The following DLGAP2 variants were observed in gnomAD, a reference collection of about 807,000 sequenced individuals.
DLGAP2 encodes the protein disks large-associated protein 2.
A neutral mutation model predicts 100.3 loss-of-function variants in DLGAP2; 26 were observed. The observed-to-expected ratio is 0.26, with a 90% CI of 0.19 to 0.36. The LOEUF (loss-of-function observed/expected upper bound fraction) is 0.36. Ranked by LOEUF, DLGAP2 falls within the 10% of genes least tolerant of loss-of-function variation. The pLI is 1.00. For synonymous variants in DLGAP2, 886 were observed against 630.1 expected (o/e 1.41, Z -6.08); for missense variants, 1,858 against 1,453.2 (o/e 1.28, Z -4.53).
chr8:1,179,119 A>G (rs75266367), intron 2 of DLGAP2, among the ~76,000 whole-genome samples: 2 of 152,284 alleles, frequency 1.3e-5, no homozygotes, highest in East Asian at 1.9e-4. Flanking sequence ...CCTGTTTACG[A>G]TACCAAAGTG....
intron 1 of DLGAP2, among the ~76,000 whole-genome samples, chr8:834,061 C>T (rs1796828661): frequency 6.6e-6 from 1 of 152,136 alleles, no homozygotes; most frequent in South Asian, 2.1e-4. Context: ...GAGTGGGATT[C>T]ATTAGGGGAA....
chr8:930,329 C>A (rs145130426), intron 2 of DLGAP2, among the ~76,000 whole-genome samples: 2,000 of 152,302 alleles, frequency 0.013, 17 homozygotes, highest in Non-Finnish European at 0.022. Context: ...AAGACAAATG[C>A]AATGTTGTCT....
intron 2 of DLGAP2, among the ~76,000 whole-genome samples, chr8:1,110,696 T>G (rs1423727790): frequency 4.7e-5 from 7 of 150,036 alleles, no homozygotes; most frequent in Non-Finnish European, 5.9e-5. Context: ...CTTTCCATTT[T>G]CAGGGAAGAT....
At chr8:827,082 C>T (rs1284134502) in intron 1 of DLGAP2, among the ~76,000 whole-genome samples, 2 of 152,108 alleles carry the variant, frequency 1.3e-5, no homozygotes, top group East Asian at 3.9e-4. Flanking sequence ...CATTTTTGGT[C>T]ACACAGTTGG....
intron 7 of DLGAP2, among the ~76,000 whole-genome samples, chr8:1,631,430 T>C (rs1026011995): frequency 1.3e-5 from 2 of 152,190 alleles, no homozygotes; most frequent in African/African-American, 2.4e-5. Context: ...CATAAAATTC[T>C]ACATAAGTGA....
chr8:1,695,512 A>AAC (rs1554433574), intron 13 of DLGAP2, among the ~76,000 whole-genome samples: 6 of 106,568 alleles, frequency 5.6e-5, no homozygotes, highest in Non-Finnish European at 7.7e-5. Context: ...GCCCTACAGA[A>AAC]AGGGGGCACA....
chr8:1,105,062 G>T (rs1479948983), intron 2 of DLGAP2: 1 of 152,256 alleles, frequency 6.6e-6, no homozygotes, highest in Non-Finnish European at 1.5e-5. Context: ...CAGGAAGCCG[G>T]AAAGGTGCGG....
intron 2 of DLGAP2, chr8:1,018,883 A>G (rs543833141): frequency 2.6e-5 from 4 of 152,286 alleles, no homozygotes; most frequent in South Asian, 2.1e-4. Flanking sequence ...AGTTTGTGCA[A>G]TGACAAGCTG....
intron 5 of DLGAP2, among the ~76,000 whole-genome samples, chr8:1,564,215 G>A (rs980338110): frequency 2.0e-5 from 3 of 152,164 alleles, no homozygotes; most frequent in Admixed American, 1.3e-4. Flanking sequence ...CAAAGCTAAT[G>A]AACCGTGGGG....
chr8:767,794 C>T (rs959434471), intron 1 of DLGAP2, among the ~76,000 whole-genome samples: 2 of 152,192 alleles, frequency 1.3e-5, no homozygotes, highest in African/African-American at 2.4e-5. Flanking sequence ...GGTGAGCACT[C>T]TTGGTAAGTG....
At chr8:1,118,846 A>G (rs1023461436) in intron 2 of DLGAP2, among the ~76,000 whole-genome samples, 9 of 152,218 alleles carry the variant, frequency 5.9e-5, no homozygotes, top group African/African-American at 1.9e-4. Flanking sequence ...TTTCAAAATA[A>G]TTTGTTTCCT....
At chr8:1,131,505 A>C (rs1796293700) in intron 2 of DLGAP2, among the ~76,000 whole-genome samples, 1 of 152,132 alleles carries the variant, frequency 6.6e-6, no homozygotes, top group Non-Finnish European at 1.5e-5. Context: ...TCCACCACCC[A>C]CATAACCTCA....
At chr8:1,230,775 T>C (rs1350567341) in intron 2 of DLGAP2, among the ~76,000 whole-genome samples, 1 of 152,162 alleles carries the variant, frequency 6.6e-6, no homozygotes, top group Non-Finnish European at 1.5e-5. Flanking sequence ...TCTTATTCAA[T>C]AAATGTTATT....
chr8:1,470,798 C>CCCCAGGCTT, intron 3 of DLGAP2, among the ~76,000 whole-genome samples: 2 of 114,966 alleles, frequency 1.7e-5, no homozygotes, highest in Non-Finnish European at 3.9e-5. Flanking sequence ...TTCCCGACCC[C>CCCCAGGCTT]TCCAGCCTTT....
intron 12 of DLGAP2, among the ~76,000 whole-genome samples, chr8:1,683,839 T>C (rs1799024649): frequency 1.6e-5 from 1 of 62,296 alleles, no homozygotes; most frequent in African/African-American, 1.1e-4. Flanking sequence ...CTCCACTATA[T>C]ATATATATAT....
At chr8:1,571,979 G>A (rs1802721634) in intron 6 of DLGAP2, among the ~76,000 whole-genome samples, 1 of 141,404 alleles carries the variant, frequency 7.1e-6, no homozygotes, top group Non-Finnish European at 1.5e-5. Flanking sequence ...CGTCTGATGA[G>A]ATGGAGAGGA....
At chr8:1,262,014 C>G (rs1261993075) in intron 3 of DLGAP2, among the ~76,000 whole-genome samples, 1 of 152,192 alleles carries the variant, frequency 6.6e-6, no homozygotes, top group Non-Finnish European at 1.5e-5. Context: ...TGTCAGAAAG[C>G]TGTTAACAGC....
At chr8:1,192,104 C>T (rs1003527135) in intron 2 of DLGAP2, among the ~76,000 whole-genome samples, 2 of 152,112 alleles carry the variant, frequency 1.3e-5, no homozygotes, top group Non-Finnish European at 1.5e-5. Context: ...CCTGCACTTT[C>T]TAGATGGCTT....
chr8:1,125,661 C>G (rs1451807480), intron 2 of DLGAP2, among the ~76,000 whole-genome samples: 3 of 152,226 alleles, frequency 2.0e-5, no homozygotes, highest in Non-Finnish European at 4.4e-5. Context: ...AAATACCCAT[C>G]ACAAATGGAT....
Sources: allele counts gnomAD v4.1 joint callset (sites outside exome capture counted in the v4.1 genomes callset), GRCh38; gene constraint gnomAD v4.1.1; transcripts MANE v1.5; gene names NCBI Gene and HGNC (gene_info 2026-07-23, HGNC 2026-07-21).